Variants in DYM observed in about 807,000 individuals in gnomAD.
DYM encodes dymeclin.
DYM carries 78 observed loss-of-function variants against 93.1 expected under a neutral mutation model. That is an observed-to-expected ratio of 0.84 (90% confidence interval 0.70 to 1.01). DYM has a LOEUF of 1.01. DYM is among the 50% of genes least tolerant of loss of function. The pLI, the probability that DYM is intolerant of heterozygous loss-of-function variation, is 0.00. For missense variants in DYM, 789 were observed against 845.0 expected (o/e 0.93, Z 0.82); for synonymous variants, 321 against 319.7 (o/e 1.00, Z -0.04).
At chr18:49,291,497 T>G (rs1405916873) in intron 8 of DYM, among the ~76,000 whole-genome samples, 2 of 152,156 alleles carry the variant, frequency 1.3e-5, no homozygotes, top group South Asian at 4.1e-4. Context: ...AGGGGGGAAA[T>G]AGTCCCCATC....
At chr18:49,055,539 G>T (rs2144505242) in intron 17 of DYM, among the ~76,000 whole-genome samples, 1 of 152,320 alleles carries the variant, frequency 6.6e-6, no homozygotes. Flanking sequence ...TCTGCTGTCT[G>T]TCTTCAAAGA....
rs537525867 is a variant in DYM, at chr18:49,392,308, C to T, written c.141-663G>A. ...TGACAACAATTTCTTGGATGTGACA[C>T]CAAAAAGCACAGGTATCAACAGAAA... On this transcript the variant is annotated intron_variant, in intron 2 of 17. Coordinates refer to ENST00000675505, the MANE Select transcript of DYM (RefSeq NM_001353214.3). Among the ~76,000 whole-genome samples, 3 of 151,958 alleles carry T rather than the reference C, an allele frequency of 2.0e-5. No individual in the cohort carries two copies. The East Asian group carries it at 5.8e-4, about 29-fold the overall frequency.
intron 17 of DYM, among the ~76,000 whole-genome samples, chr18:49,081,410 A>G (rs1419341968): frequency 2.7e-5 from 4 of 150,606 alleles, no homozygotes; most frequent in African/African-American, 9.7e-5. Context: ...AGGCTGAGGC[A>G]GGAGAATCAG....
intron 15 of DYM, among the ~76,000 whole-genome samples, chr18:49,133,107 T>C (rs888390364): frequency 1.3e-5 from 2 of 152,208 alleles, no homozygotes. Flanking sequence ...AATTCTGTGT[T>C]GTCAAGAAGA....
At chr18:49,289,712 AATATATATATATGTGTAT>A (rs2059912753) in intron 8 of DYM, among the ~76,000 whole-genome samples, 1 of 112,706 alleles carries the variant, frequency 8.9e-6, no homozygotes, top group Non-Finnish European at 1.8e-5. Context: ...CCCTATCTCA[AATATATATATATGTGTAT>A]ATATATATAT....
At chr18:49,216,559 C>G (rs1188132026) in intron 13 of DYM, among the ~76,000 whole-genome samples, 1 of 152,148 alleles carries the variant, frequency 6.6e-6, no homozygotes, top group East Asian at 1.9e-4. Flanking sequence ...GACAAAACTT[C>G]CAGAGGAACG....
chr18:49,425,411 T>C (rs1303992338), intron 2 of DYM, among the ~76,000 whole-genome samples: 1 of 152,208 alleles, frequency 6.6e-6, no homozygotes, highest in East Asian at 1.9e-4. Context: ...GATTAAAGAC[T>C]GACATGTTAG....
chr18:49,076,396 A>T (rs1418535992), intron 17 of DYM, among the ~76,000 whole-genome samples: 1 of 152,246 alleles, frequency 6.6e-6, no homozygotes, highest in Non-Finnish European at 1.5e-5. Context: ...CTATCGTAAT[A>T]GTTCAAGTAA....
Position 49,286,447 on chromosome 18 carries a change from G to C in DYM, c.933C>G (p.Phe311Leu), listed in dbSNP as rs779000150. 4 of 1,614,146 alleles carry C rather than the reference G, an allele frequency of 2.5e-6. No individual in the cohort carries two copies. In the African/African-American group the frequency reaches 4.0e-5, roughly 16 times the overall value. ...PNPYRQAIMS[F>L]KNTQDSSPFP... ...AATACCACAAACCTTGTGTGTTCTT[G>C]AAGGACATAATGGCTTGTCTGTAGG... The change falls in exon 9 of 18, where the codon TTC (phenylalanine) becomes TTG (leucine). Residue 311 changes from phenylalanine to leucine, a missense_variant. Phe to Leu is a conservative substitution (Grantham distance 22). Coordinates refer to ENST00000675505, the MANE Select transcript of DYM (RefSeq NM_001353214.3).
chr18:49,270,039 G>C (rs951377233), intron 11 of DYM, among the ~76,000 whole-genome samples: 10 of 152,162 alleles, frequency 6.6e-5, no homozygotes, highest in Admixed American at 2.0e-4. Flanking sequence ...TGTTACAACT[G>C]CTTACAGTAT....
Position 49,281,979 on chromosome 18 carries a change from G to A in DYM, c.1125+18C>T. Reference sequence around the variant, plus strand: ...AAAAAAAAATACAAACGCATGGAATGTTTAGTATGATACTTACAAGATTTT... The same window carrying A: ...AAAAAAAAATACAAACGCATGGAATATTTAGTATGATACTTACAAGATTTT... On this transcript the variant is annotated intron_variant, in intron 10 of 17. Coordinates refer to ENST00000675505, the MANE Select transcript of DYM (RefSeq NM_001353214.3). The A allele has an allele frequency of 6.2e-7, 1 of 1,609,806 alleles. No individual in the cohort carries two copies. Among genetic ancestry groups the A allele is most frequent in the Non-Finnish European group, 8.5e-7 (1 of 1,177,052 alleles).
intron 17 of DYM, among the ~76,000 whole-genome samples, chr18:49,048,839 A>T (rs927104157): frequency 1.3e-5 from 2 of 152,206 alleles, no homozygotes; most frequent in African/African-American, 4.8e-5. Flanking sequence ...ACCTGGTACA[A>T]CCAGAAGTGA....
chr18:49,196,674 T>C (rs879269904), intron 14 of DYM, among the ~76,000 whole-genome samples: 4 of 151,958 alleles, frequency 2.6e-5, no homozygotes, highest in Non-Finnish European at 4.4e-5. Context: ...AGTCCTGAGA[T>C]AGAAAAGGGG....
chr18:49,258,256 A>C, intron 12 of DYM, 124 bp downstream of exon 12: 2 of 714,168 alleles, frequency 2.8e-6, no homozygotes, highest in Admixed American at 4.0e-5. Context: ...GTGACTATAC[A>C]GTGACCGGTA....
rs2076689347 is a variant in DYM, at chr18:49,069,130, G to GT, written c.2026-24927dup. On this transcript the variant is annotated intron_variant, in intron 17 of 17. Coordinates refer to ENST00000675505, the MANE Select transcript of DYM (RefSeq NM_001353214.3). Reference sequence around the variant, plus strand: ...ATTACCTACATAGATGGGATGATGCGTGAGTTAAATTAGACAACTTAGTCT... The same window carrying GT: ...ATTACCTACATAGATGGGATGATGCGTTGAGTTAAATTAGACAACTTAGTCT... 6.6e-5 allele frequency among the ~76,000 whole-genome samples: 10 copies of GT among 152,304 alleles called. No individual in the cohort carries two copies. In the South Asian group the frequency reaches 2.1e-3, roughly 32 times the overall value.
intron 1 of DYM, among the ~76,000 whole-genome samples, chr18:49,441,887 A>C (rs754444481): frequency 6.6e-6 from 1 of 152,150 alleles, no homozygotes; most frequent in Non-Finnish European, 1.5e-5. Flanking sequence ...CCAGAGAAAT[A>C]CAACTAGAGA....
chr18:49,438,680 T>C (rs577483047), intron 1 of DYM, among the ~76,000 whole-genome samples: 4 of 152,154 alleles, frequency 2.6e-5, no homozygotes, highest in Non-Finnish European at 5.9e-5. Flanking sequence ...GGGTGCTACC[T>C]GCTAGGAACA....
At chr18:49,442,297 C>G (rs141502508) in intron 1 of DYM, among the ~76,000 whole-genome samples, 2 of 152,266 alleles carry the variant, frequency 1.3e-5, no homozygotes, top group Non-Finnish European at 2.9e-5. Context: ...AGAATCCCAG[C>G]GCTTTGGGAA....
intron 14 of DYM, among the ~76,000 whole-genome samples, chr18:49,174,939 GA>G (rs1055044781): frequency 6.6e-6 from 1 of 152,092 alleles, no homozygotes; most frequent in South Asian, 2.1e-4. Flanking sequence ...CACCATAACA[GA>G]AAAAAACATC....
Sources: gnomAD v4.1 joint callset for allele counts (sites outside exome capture counted in the v4.1 genomes callset) on GRCh38, gnomAD v4.1.1 for gene constraint, MANE v1.5 for transcripts, NCBI Gene and HGNC (gene_info 2026-07-23, HGNC 2026-07-21) for gene names.